The following ZKSCAN2 variants were observed in gnomAD, a reference collection of about 807,000 sequenced individuals.
The protein encoded by ZKSCAN2 is zinc finger protein with KRAB and SCAN domains 2.
In ZKSCAN2, 38 loss-of-function variants were observed where a neutral mutation model predicts 90.5. The observed-to-expected ratio is 0.42, with a 90% CI of 0.32 to 0.55. The LOEUF (loss-of-function observed/expected upper bound fraction) is 0.55. Among genes scored for constraint, ZKSCAN2 ranks in the 20% least tolerant of loss-of-function variants. The probability of loss-of-function intolerance (pLI) is 0.11; values close to 1 mark genes in which losing one functional copy is unlikely to be tolerated. For missense variants in ZKSCAN2, 1,167 were observed against 1,202.6 expected, an observed-to-expected ratio of 0.97 and a Z score of 0.44; for synonymous variants, 429 against 421.6, an observed-to-expected ratio of 1.02 and a Z score of -0.22.
intron 5 of ZKSCAN2, chr16:25,246,192 T>C (rs1035212075): frequency 6.5e-6 from 1 of 154,322 alleles, no homozygotes; most frequent in African/African-American, 2.4e-5. Flanking sequence ...TGGATTTATA[T>C]CTTATTTTTT....
chr16:25,254,689 A>G (rs528577648), intron 2 of ZKSCAN2, among the ~76,000 whole-genome samples: 1 of 152,254 alleles, frequency 6.6e-6, no homozygotes, highest in Non-Finnish European at 1.5e-5. Context: ...TCGGCCTCCC[A>G]AAGTGTTGGG....
intron 3 of ZKSCAN2, 75 bp downstream of exon 3, chr16:25,252,871 T>C: frequency 8.1e-7 from 1 of 1,231,450 alleles, no homozygotes; most frequent in Non-Finnish European, 1.2e-6. Flanking sequence ...TGAGCTGAGA[T>C]TGCGCCACTG....
chr16:25,241,874 A>G (rs1357445398), intron 6 of ZKSCAN2, among the ~76,000 whole-genome samples: 2 of 152,110 alleles, frequency 1.3e-5, no homozygotes, highest in Non-Finnish European at 2.9e-5. Context: ...AAGCCCTAAC[A>G]ATTCCATCTT....
At chr16:25,255,680 C>A (rs1963090376) in intron 1 of ZKSCAN2, among the ~76,000 whole-genome samples, 1 of 152,248 alleles carries the variant, frequency 6.6e-6, no homozygotes, top group Non-Finnish European at 1.5e-5. Flanking sequence ...CTCCCAGGTT[C>A]AAGCGATTCT....
At position 25,239,820 on chromosome 16, in the gene ZKSCAN2, A is replaced by G. The variant is rs1386411487; in HGVS notation, c.2900T>C (p.Phe967Ser). Residue 967 changes from phenylalanine (F) to serine (S), a missense_variant, in exon 7 of 7, where the codon TTT (phenylalanine) becomes TCT (serine). Physicochemically the swap from Phe to Ser is radical, Grantham distance 155. Transcript: ENST00000328086. ...TTTAGGAAGAGAAGATCATCATCAA[A>G]AAGTTTTCCTAAATTCATCAGTCTT... Reference protein sequence around the residue: ...KGKTDEFRKTF With the variant: ...KGKTDEFRKTS 2.5e-6 allele frequency: 4 copies of G among 1,574,244 alleles called. No homozygotes were observed. Among genetic ancestry groups the G allele is most frequent in the African/African-American group, 2.7e-5 (2 of 73,108 alleles).
chr16:25,239,291 C>T lies in ZKSCAN2; in HGVS notation c.*525G>A, dbSNP rs1186640655. The T allele has an allele frequency of 6.6e-6, 1 of 151,324 alleles. No individual in the cohort carries two copies. Among genetic ancestry groups the T allele is most frequent in the Admixed American group, 6.6e-5 (1 of 15,218 alleles). The allele number at this position is 151,324 out of a possible 1,614,324, so 9.4% of individuals were successfully genotyped here. On this transcript the variant is annotated 3_prime_UTR_variant, in exon 7 of 7. Transcript: ENST00000328086. ...AAAAAAAAAAAAAGGTACACTGTAACAGACTTCTGAGGAAAGCTATAAAAT... is the reference window on the plus strand; with the variant it reads ...AAAAAAAAAAAAAGGTACACTGTAATAGACTTCTGAGGAAAGCTATAAAAT...
Position 25,244,115 on chromosome 16 carries a change from G to A in ZKSCAN2, c.1651C>T (p.Arg551Ter), listed in dbSNP as rs772036573. The A allele has an allele frequency of 1.9e-6, 3 of 1,614,078 alleles. No individual in the cohort carries two copies. The highest frequency in any genetic ancestry group is 2.7e-5 in the African/African-American group (2 of 75,014). ...TTCTGAAGGCTTTTGAACTTGGTTC[G>A]GCACTGTTCTGGTGTCCGGAGGAAG... ...CGFLRTPEQCRTKFKSLQKSY... is the reference protein window; with the variant it reads ...CGFLRTPEQC The change falls in exon 6 of 7, where the codon CGA (arginine) becomes TGA (stop). Residue 551 changes from arginine (R) to a stop codon, truncating the protein, a stop_gained. Coordinates refer to ENST00000328086, the MANE Select transcript of ZKSCAN2 (RefSeq NM_001012981.5). LOFTEE classifies it high-confidence loss of function.
chr16:25,240,254 C>T lies in ZKSCAN2; in HGVS notation c.2466G>A (p.Gln822=). The change falls in exon 7 of 7, where the codon CAG becomes CAA. Residue 822 remains glutamine, a synonymous_variant. Coordinates refer to ENST00000328086, the MANE Select transcript of ZKSCAN2 (RefSeq NM_001012981.5). ...AGGGTTTCTCTCCTGTGTGGATTCTCTGGTGGGCACCAAAATTTGAGGAGT... is the reference window on the plus strand; with the variant it reads ...AGGGTTTCTCTCCTGTGTGGATTCTTTGGTGGGCACCAAAATTTGAGGAGT... ...FNDSSNFGAH[Q]RIHTGEKPYR... 1 of 1,612,160 alleles carries T rather than the reference C, an allele frequency of 6.2e-7. No homozygotes were observed. Among genetic ancestry groups the T allele is most frequent in the Non-Finnish European group, 8.5e-7 (1 of 1,179,248 alleles).
At position 25,244,010 on chromosome 16, in the gene ZKSCAN2, G is replaced by A. The variant is rs1476558388; in HGVS notation, c.1756C>T (p.Arg586Trp). 7 of 1,614,052 alleles carry A rather than the reference G, an allele frequency of 4.3e-6. No homozygotes were observed. The highest frequency in any genetic ancestry group is 4.5e-5 in the East Asian group (2 of 44,900). Residue 586 changes from arginine (R) to tryptophan (W), a missense_variant, in exon 6 of 7, where the codon CGG (arginine) becomes TGG (tryptophan). Transcript: ENST00000328086. ...GTGCTGGGGGAAGGAGCAGATGCCC[G>A]AGAGTTAATCAGGGCATCCATCTCC... ...YKEMDALINS[R>W]ASAPSPSTPE...
rs1455936067 is a variant in ZKSCAN2 at position 25,243,915 on chromosome 16, T to C, written c.1851A>G (p.Thr617=). Residue 617 remains threonine, a synonymous_variant, in exon 6 of 7, where the codon ACA becomes ACG. Coordinates refer to ENST00000328086, the MANE Select transcript of ZKSCAN2 (RefSeq NM_001012981.5). The stretch of plus-strand genomic sequence containing the variant: ...GTGAGGTCTCTTCAGGTTCCCAGCC[T>C]GTAGGTTCCTGGGGTTCAACCTCAA... The part of the protein sequence containing the change: ...GGIEVEPQEP[T]GWEPEETSQE... The C allele has an allele frequency of 6.2e-7, 1 of 1,614,184 alleles. No homozygotes were observed. The highest frequency in any genetic ancestry group is 8.5e-7 in the Non-Finnish European group (1 of 1,180,026).
At chr16:25,251,041 C>G (rs1245755310) in intron 4 of ZKSCAN2, among the ~76,000 whole-genome samples, 2 of 152,072 alleles carry the variant, frequency 1.3e-5, no homozygotes, top group African/African-American at 2.4e-5. Context: ...CAGGCATGAG[C>G]CACTGTGCCT....
At position 25,239,788 on chromosome 16, in the gene ZKSCAN2, G is replaced by A; in HGVS notation, c.*28C>T. On this transcript the variant is annotated 3_prime_UTR_variant, in exon 7 of 7. Coordinates refer to ENST00000328086, the MANE Select transcript of ZKSCAN2 (RefSeq NM_001012981.5). ...AATGAGATTAGGGTAAAATGGCTAA[G>A]GGGGCATTTAGGAAGAGAAGATCAT... 6.5e-7 allele frequency: 1 copy of A among 1,537,150 alleles called. No individual in the cohort carries two copies. The highest frequency in any genetic ancestry group is 8.8e-7 in the Non-Finnish European group (1 of 1,141,032).
At chr16:25,242,086 A>G (rs1265802976) in intron 6 of ZKSCAN2, among the ~76,000 whole-genome samples, 1 of 152,088 alleles carries the variant, frequency 6.6e-6, no homozygotes, top group East Asian at 1.9e-4. Context: ...GCTAGTCTCA[A>G]ACTCCTGTGC....
At position 25,257,604 on chromosome 16, in the gene ZKSCAN2, C is replaced by A; in HGVS notation, c.-477G>T. 2 of 746,766 alleles carry A rather than the reference C, an allele frequency of 2.7e-6. No homozygotes were observed. Among genetic ancestry groups the A allele is most frequent in the South Asian group, 6.1e-5 (1 of 16,488 alleles). The allele number at this position is 746,766 out of a possible 1,614,324, so 46.3% of individuals were successfully genotyped here. A position where few individuals can be genotyped will look rare whatever the true frequency, so the allele number is the denominator to read the frequency against. ...GTTCCGGGCTCGGGTCACCGCAGCA[C>A]GTCCAGGCCGCCGCGGGTGCCGCTG... On this transcript the variant is annotated 5_prime_UTR_variant, in exon 1 of 7. Coordinates refer to ENST00000328086, the MANE Select transcript of ZKSCAN2 (RefSeq NM_001012981.5).
At chr16:25,252,874 C>A in intron 3 of ZKSCAN2, 72 bp downstream of exon 3, 1 of 1,254,184 alleles carries the variant, frequency 8.0e-7, no homozygotes, top group Admixed American at 1.7e-5. Flanking sequence ...GCTGAGATTG[C>A]GCCACTGTAC....
rs75002574 is a variant in ZKSCAN2 at position 25,255,515 on chromosome 16, C to T, written c.400-123G>A. 1,156 of 1,050,482 alleles carry T rather than the reference C, an allele frequency of 1.1e-3. 18 individuals are homozygous for T. In the East Asian group the frequency reaches 0.027, roughly 24 times the overall value. 65.1% of individuals were successfully genotyped at this position (1,050,482 alleles called of 1,614,324 possible). A position where few individuals can be genotyped will look rare whatever the true frequency, so the allele number is the denominator to read the frequency against. On this transcript the variant is annotated intron_variant, in intron 1 of 6. Coordinates refer to ENST00000328086, the MANE Select transcript of ZKSCAN2 (RefSeq NM_001012981.5). ...GAAGGAATGAAAATTCCACTCCATT[C>T]CCAGTGGAGTCTCTGAGAGCGCTGG...
In ZKSCAN2 at chr16:25,238,725, C is replaced by G. The variant is rs927361193; in HGVS notation, c.*1091G>C. ...CCAGACCTGAGAGCGCTGGTCTAAG[C>G]TGAGGTGGCTATCTGATCGACAGCA... On this transcript the variant is annotated 3_prime_UTR_variant, in exon 7 of 7. Transcript: ENST00000328086. 9.9e-5 allele frequency: 15 copies of G among 152,164 alleles called. No individual in the cohort carries two copies. The highest frequency in any genetic ancestry group is 3.4e-4 in the African/African-American group (14 of 41,428). The allele number at this position is 152,164 out of a possible 1,614,324, so 9.4% of individuals were successfully genotyped here. A position where few individuals can be genotyped will look rare whatever the true frequency, so the allele number is the denominator to read the frequency against.
chr16:25,240,115 TG>T lies in ZKSCAN2; in HGVS notation c.2604del (p.Phe868LeufsTer71). 6.2e-7 allele frequency: 1 copy of T among 1,613,894 alleles called. No homozygotes were observed. The highest frequency in any genetic ancestry group is 8.5e-7 in the Non-Finnish European group (1 of 1,179,990). On this transcript the variant is annotated frameshift_variant, in exon 7 of 7. Transcript: ENST00000328086. LOFTEE classifies it high-confidence loss of function. ...PYQCGECGKSFTNSSHFSAHR... is the reference protein window; with the variant it reads ...PYQCGECGKSXTNSSHFSAHR... ...TGGGCGCTGAAATGAGAACTGTTGG[TG>T]AAACTTTTCCCACACTCTCCACACT...
intron 6 of ZKSCAN2, among the ~76,000 whole-genome samples, chr16:25,241,657 C>G (rs1451442350): frequency 1.3e-5 from 2 of 152,216 alleles, no homozygotes; most frequent in Non-Finnish European, 1.5e-5. Flanking sequence ...AAACATTTCA[C>G]AAGCTGTGCA....
Sources: gnomAD v4.1 joint callset for allele counts (sites outside exome capture counted in the v4.1 genomes callset) on GRCh38, gnomAD v4.1.1 for gene constraint, MANE v1.5 for transcripts, NCBI Gene and HGNC (gene_info 2026-07-23, HGNC 2026-07-21) for gene names.